NCAPG2: variants seen among roughly 807,000 people sequenced by gnomAD.
NCAPG2 encodes the protein non-SMC condensin II complex subunit G2, also known as condensin-2 complex subunit G2.
A neutral mutation model predicts 141.1 loss-of-function variants in NCAPG2; 53 were observed. The observed-to-expected ratio is 0.38, with a 90% confidence interval of 0.30 to 0.47. The LOEUF is 0.47. Among genes scored for constraint, NCAPG2 ranks in the 20% least tolerant of loss-of-function variants. The pLI is 0.99. For missense variants in NCAPG2, 1,087 were observed against 1,389.0 expected (o/e 0.78, Z 3.46); for synonymous variants, 499 against 490.7 (o/e 1.02, Z -0.22).
chr7:158,690,544 T>TA (rs1232727615), intron 5 of NCAPG2, 24 bp downstream of exon 5: 8 of 1,606,154 alleles, frequency 5.0e-6, no homozygotes, highest in South Asian at 4.4e-5. Context: ...ACCCTGTCTT[T>TA]AAAAAAATAA....
intron 11 of NCAPG2, among the ~76,000 whole-genome samples, chr7:158,679,145 T>C (rs1834288856): frequency 6.6e-6 from 1 of 152,386 alleles, no homozygotes; most frequent in African/African-American, 2.4e-5. Flanking sequence ...CGTAAGCCAC[T>C]GTGCAGGCCT....
Position 158,650,917 on chromosome 7 carries a change from C to T in NCAPG2, c.2990G>A (p.Arg997Gln), listed in dbSNP as rs751778174. ...LHEFITAVQSRHTDTPVHRGV... is the reference protein window; with the variant it reads ...LHEFITAVQSQHTDTPVHRGV... The stretch of plus-strand genomic sequence containing the variant: ...CCGGTGCACAGGGGTGTCTGTGTGC[C>T]GAGACTGAACAGCAGTAATGAACTC... The change falls in exon 24 of 28, where the codon CGG becomes CAG. Residue 997 changes from arginine (R) to glutamine (Q), a missense_variant. Physicochemically the swap from Arg to Gln is conservative, Grantham distance 43. Coordinates refer to ENST00000356309, the MANE Select transcript of NCAPG2 (RefSeq NM_017760.7). The T allele has an allele frequency of 6.2e-6, 10 of 1,613,390 alleles. No homozygotes were observed. The highest frequency in any genetic ancestry group is 3.3e-4 in the Middle Eastern group (2 of 6,078).
intron 24 of NCAPG2, among the ~76,000 whole-genome samples, chr7:158,647,762 C>A (rs1415311791): frequency 6.6e-6 from 1 of 151,966 alleles, no homozygotes; most frequent in Non-Finnish European, 1.5e-5. Flanking sequence ...GACACAATCA[C>A]AAATCATAGC....
chr7:158,677,116 C>T (rs1463931639), intron 11 of NCAPG2, among the ~76,000 whole-genome samples: 1 of 152,002 alleles, frequency 6.6e-6, no homozygotes, highest in Non-Finnish European at 1.5e-5. Flanking sequence ...GGATGTGCTC[C>T]CCAGGATAAA....
chr7:158,637,349 C>G (rs553433585), intron 27 of NCAPG2, among the ~76,000 whole-genome samples: 4 of 152,268 alleles, frequency 2.6e-5, no homozygotes, highest in South Asian at 4.1e-4. Flanking sequence ...GGAGCCCAAA[C>G]CCACCCACCT....
At chr7:158,676,762 C>G (rs1834074752) in intron 11 of NCAPG2, among the ~76,000 whole-genome samples, 1 of 152,106 alleles carries the variant, frequency 6.6e-6, no homozygotes, top group African/African-American at 2.4e-5. Flanking sequence ...AGAATTCTTA[C>G]TACTTTAATT....
In NCAPG2 at chr7:158,672,286, GTGTGTGTATATATATATATATA is replaced by G. The variant is rs1440143940; in HGVS notation, c.1327-642_1327-621del. Among the ~76,000 whole-genome samples, 233 of 25,862 alleles carry G rather than the reference GTGTGTGTATATATATATATATA, an allele frequency of 9.0e-3. 4 individuals are homozygous for G. The highest frequency in any genetic ancestry group is 0.035 in the African/African-American group (224 of 6,466). 17.0% of individuals were successfully genotyped at this position (25,862 alleles called of 152,430 possible). A position where few individuals can be genotyped will look rare whatever the true frequency, so the allele number is the denominator to read the frequency against. On this transcript the variant is annotated intron_variant, in intron 12 of 27. Coordinates refer to ENST00000356309, the MANE Select transcript of NCAPG2 (RefSeq NM_017760.7). ...TACGGTATTCCAAACACATGTGTGT[GTGTGTGTATATATATATATATA>G]TATATATATATATATATATATTTTT...
At chr7:158,665,480 C>T (rs901768085) in intron 13 of NCAPG2, 2 of 152,242 alleles carry the variant, frequency 1.3e-5, no homozygotes, top group African/African-American at 2.4e-5. Flanking sequence ...AGCCCTGCCT[C>T]GGGCTCCTCA....
At chr7:158,640,052 C>CAAAAAAAAAAAAAAACA (rs1830530274) in intron 27 of NCAPG2, 1 of 98,324 alleles carries the variant, frequency 1.0e-5, no homozygotes, top group African/African-American at 3.9e-5. Context: ...GAATAAATGC[C>CAAAAAAAAAAAAAAACA]AAAAAAAAAA....
chr7:158,639,153 G>A (rs966746842), intron 27 of NCAPG2, among the ~76,000 whole-genome samples: 4 of 152,090 alleles, frequency 2.6e-5, no homozygotes, highest in African/African-American at 9.6e-5. Context: ...TGTCACCCAG[G>A]CTGGAATGCA....
chr7:158,664,205 T>C lies in NCAPG2; in HGVS notation c.1794A>G (p.Gly598=). ...EPPEDEEEED[G]REKENVTVLD... is the part of the protein sequence containing the mutation. ...TCACAGTCACATTCTCCTTCTCCCT[T>C]CCGTCCTCTTCCTCCTCGTCCTCTG... The change falls in exon 15 of 28, where the codon GGA becomes GGG. Residue 598 remains glycine, a synonymous_variant. Transcript: ENST00000356309. 6.2e-7 allele frequency: 1 copy of C among 1,611,626 alleles called. No homozygotes were observed. The highest frequency in any genetic ancestry group is 1.1e-5 in the South Asian group (1 of 91,004).
At chr7:158,665,306 C>T (rs762552266) in intron 13 of NCAPG2, 3 of 153,302 alleles carry the variant, frequency 2.0e-5, no homozygotes, top group Non-Finnish European at 4.4e-5. Context: ...CATGCAGCCT[C>T]CAGACAACCT....
intron 16 of NCAPG2, 51 bp from the exon 17 acceptor site, chr7:158,658,459 T>C: frequency 6.8e-7 from 1 of 1,473,744 alleles, no homozygotes; most frequent in Non-Finnish European, 9.1e-7. Context: ...GCACTATAAA[T>C]TCTGAAAGTC....
At chr7:158,681,560 A>G (rs1019036153) in intron 9 of NCAPG2, among the ~76,000 whole-genome samples, 4 of 152,190 alleles carry the variant, frequency 2.6e-5, no homozygotes, top group African/African-American at 4.8e-5. Flanking sequence ...ACTTTAAGTG[A>G]GCTTGTATCA....
rs745814277 is a variant in NCAPG2, at chr7:158,656,246, G to A, written c.2388+14C>T. On this transcript the variant is annotated intron_variant, in intron 19 of 27. Transcript: ENST00000356309. ...ATCATAGGAAACCACTCAACTCTCA[G>A]GGCACAGAGTTACCTTTGACGTTTC... The A allele has an allele frequency of 1.2e-6, 2 of 1,612,436 alleles. No homozygotes were observed. Among genetic ancestry groups the A allele is most frequent in the Non-Finnish European group, 1.7e-6 (2 of 1,179,206 alleles).
intron 11 of NCAPG2, among the ~76,000 whole-genome samples, chr7:158,675,915 CA>C (rs1834022211): frequency 6.6e-6 from 1 of 152,162 alleles, no homozygotes. Flanking sequence ...CTCTGTCATT[CA>C]GTGAGACCTG....
In NCAPG2 at chr7:158,692,741, C is replaced by A. The variant is rs147110741; in HGVS notation, c.382+101G>T. On this transcript the variant is annotated intron_variant, in intron 4 of 27. Coordinates refer to ENST00000356309, the MANE Select transcript of NCAPG2 (RefSeq NM_017760.7). ...AGGCAACAAGAGCGAAACTCCGTCT[C>A]AAAAAAAATAAATAAATGAATGAAT... 6,126 of 891,182 alleles carry A rather than the reference C, an allele frequency of 6.9e-3. 242 individuals are homozygous for A. In the African/African-American group the frequency reaches 0.09, roughly 13 times the overall value. The allele number at this position is 891,182 out of a possible 1,614,324, so 55.2% of individuals were successfully genotyped here.
In NCAPG2 at chr7:158,702,591, T is replaced by C. The variant is rs1230769050; in HGVS notation, c.-39-653A>G. 3.3e-5 allele frequency among the ~76,000 whole-genome samples: 5 copies of C among 152,280 alleles called. No homozygotes were observed. In the South Asian group the frequency reaches 1.0e-3, roughly 32 times the overall value. Reference sequence around the variant, plus strand: ...ACAATACCTGGTGCTACTGGTGCCCTACTGAAAAAACATCAACCTAAAGAT... The same window carrying C: ...ACAATACCTGGTGCTACTGGTGCCCCACTGAAAAAACATCAACCTAAAGAT... On this transcript the variant is annotated intron_variant, in intron 1 of 27. Transcript: ENST00000356309.
chr7:158,677,525 C>CAAAAAAAAAAAAAAAAAAAAAAAAAA, intron 11 of NCAPG2, among the ~76,000 whole-genome samples: 10 of 90,402 alleles, frequency 1.1e-4, no homozygotes, highest in African/African-American at 1.4e-4. Context: ...AAAAATAAAG[C>CAAAAAAAAAAAAAAAAAAAAAAAAAA]AAAAAAAAAA....
Sources: allele counts gnomAD v4.1 joint callset (sites outside exome capture counted in the v4.1 genomes callset), GRCh38; gene constraint gnomAD v4.1.1; transcripts MANE v1.5; gene names NCBI Gene and HGNC (gene_info 2026-07-23, HGNC 2026-07-21).